Variants in SLC39A14 observed in about 807,000 individuals in gnomAD.
SLC39A14 encodes metal cation symporter ZIP14.
In SLC39A14, 19 loss-of-function variants were observed where a neutral mutation model predicts 45.5. The ratio of observed to expected loss-of-function variants is 0.42; its 90% CI spans 0.29 to 0.61. SLC39A14 has a LOEUF of 0.61. Ranked by LOEUF, SLC39A14 falls within the 20% of genes least tolerant of loss-of-function variation. SLC39A14 has a pLI of 0.22. For missense variants in SLC39A14, 447 were observed against 616.5 expected, an observed-to-expected ratio of 0.73 and a Z score of 2.91; for synonymous variants, 264 against 251.3, an observed-to-expected ratio of 1.05 and a Z score of -0.48.
At chr8:22,381,517 G>T (rs150692870) in intron 1 of SLC39A14, among the ~76,000 whole-genome samples, 4 of 152,040 alleles carry the variant, frequency 2.6e-5, no homozygotes, top group Non-Finnish European at 4.4e-5. Flanking sequence ...TGATCCGCCC[G>T]CCTCGGCCTC....
intron 4 of SLC39A14, among the ~76,000 whole-genome samples, chr8:22,412,628 G>A (rs1286902559): frequency 6.6e-6 from 1 of 152,110 alleles, no homozygotes; most frequent in Non-Finnish European, 1.5e-5. Flanking sequence ...TCAGATTAAG[G>A]CTTTGGGTGC....
At chr8:22,389,092 T>C (rs1196628632) in intron 1 of SLC39A14, among the ~76,000 whole-genome samples, 1 of 152,102 alleles carries the variant, frequency 6.6e-6, no homozygotes, top group East Asian at 1.9e-4. Flanking sequence ...GGTTAAGAGA[T>C]CTGGAGATGG....
chr8:22,374,177 A>G (rs1471564863), intron 1 of SLC39A14, among the ~76,000 whole-genome samples: 1 of 152,218 alleles, frequency 6.6e-6, no homozygotes, highest in African/African-American at 2.4e-5. Flanking sequence ...CAATGGTGAC[A>G]GCAGGTGGTG....
At chr8:22,402,399 A>G (rs950420322) in intron 1 of SLC39A14, among the ~76,000 whole-genome samples, 3 of 151,734 alleles carry the variant, frequency 2.0e-5, no homozygotes, top group Non-Finnish European at 4.4e-5. Context: ...AGAAAAAAAA[A>G]GAAAGAGTCC....
intron 1 of SLC39A14, among the ~76,000 whole-genome samples, chr8:22,387,538 T>C (rs1385990371): frequency 6.6e-6 from 1 of 152,176 alleles, no homozygotes; most frequent in African/African-American, 2.4e-5. Flanking sequence ...CATAAGTGGT[T>C]ATGTTGTCAG....
chr8:22,380,358 G>C (rs941538959), intron 1 of SLC39A14, among the ~76,000 whole-genome samples: 1 of 152,172 alleles, frequency 6.6e-6, no homozygotes, highest in Admixed American at 6.6e-5. Flanking sequence ...GCAGAGTGTC[G>C]TACTTAGAAG....
intron 1 of SLC39A14, among the ~76,000 whole-genome samples, chr8:22,371,706 C>T (rs1456927130): frequency 4.0e-5 from 6 of 149,912 alleles, no homozygotes; most frequent in Admixed American, 2.7e-4. Flanking sequence ...GCTGGGATTA[C>T]AGGCATGAGC....
intron 1 of SLC39A14, among the ~76,000 whole-genome samples, chr8:22,376,479 G>T (rs1002381434): frequency 6.6e-6 from 1 of 151,256 alleles, no homozygotes. Flanking sequence ...CACTGCACTC[G>T]GCCATGTTGG....
chr8:22,406,791 C>T (rs1297987803), intron 2 of SLC39A14, among the ~76,000 whole-genome samples: 2 of 152,222 alleles, frequency 1.3e-5, no homozygotes, highest in African/African-American at 2.4e-5. Context: ...CGCCCCCGTG[C>T]CCCCGCGGGG....
intron 1 of SLC39A14, among the ~76,000 whole-genome samples, chr8:22,382,569 T>G (rs1833569964): frequency 6.6e-6 from 1 of 152,082 alleles, no homozygotes; most frequent in East Asian, 1.9e-4. Flanking sequence ...TCCTAGCTAC[T>G]TGTGAGGTAG....
At chr8:22,415,718 GT>G in intron 5 of SLC39A14, 50 bp from the exon 6 acceptor site, 1 of 1,565,338 alleles carries the variant, frequency 6.4e-7, no homozygotes, top group Non-Finnish European at 8.7e-7. Flanking sequence ...GCTCAATCAG[GT>G]TTGTGGTTTT....
At chr8:22,418,179 A>G (rs1265308680) in intron 8 of SLC39A14, among the ~76,000 whole-genome samples, 1 of 152,194 alleles carries the variant, frequency 6.6e-6, no homozygotes, top group Non-Finnish European at 1.5e-5. Context: ...CTGAGATTAC[A>G]GGCATGAACC....
chr8:22,399,583 AG>A (rs1181964330), intron 1 of SLC39A14, among the ~76,000 whole-genome samples: 1 of 152,238 alleles, frequency 6.6e-6, no homozygotes, highest in African/African-American at 2.4e-5. Flanking sequence ...GTCAGTGCCC[AG>A]TGCAGCACAC....
intron 2 of SLC39A14, among the ~76,000 whole-genome samples, chr8:22,407,829 G>A (rs534340100): frequency 1.3e-5 from 2 of 151,968 alleles, no homozygotes; most frequent in Admixed American, 6.6e-5. Flanking sequence ...CCCTGCCTCA[G>A]CCTCCTCAGT....
rs1835133252 is a variant in SLC39A14, at chr8:22,405,037, G to A, written c.270+57G>A. The stretch of plus-strand genomic sequence containing the variant: ...TCAGCCCCGTCTCTGGCCTCTCAGG[G>A]TTCCCTGTCTAGTTGGGCCCAGGGC... On this transcript the variant is annotated intron_variant, in intron 2 of 8. Transcript: ENST00000381237. 1.9e-6 allele frequency: 3 copies of A among 1,560,272 alleles called. 1 individual carries two copies. Among genetic ancestry groups the A allele is most frequent in the South Asian group, 2.4e-5 (2 of 83,632 alleles).
At chr8:22,376,334 A>ATTTTTTTTTTTTT (rs778041310) in intron 1 of SLC39A14, among the ~76,000 whole-genome samples, 3 of 122,426 alleles carry the variant, frequency 2.5e-5, no homozygotes, top group African/African-American at 3.1e-5. Flanking sequence ...ACCACACCTA[A>ATTTTTTTTTTTTT]TTTTTTTTTT....
chr8:22,394,380 A>AGTGGC, intron 1 of SLC39A14, among the ~76,000 whole-genome samples: 1 of 144,112 alleles, frequency 6.9e-6, no homozygotes. Context: ...GCTGGAGTGC[A>AGTGGC]GTGATCTCGG....
At chr8:22,409,198 T>C (rs1157978222) in intron 3 of SLC39A14, among the ~76,000 whole-genome samples, 1 of 152,022 alleles carries the variant, frequency 6.6e-6, no homozygotes, top group East Asian at 1.9e-4. Context: ...CCCCTCCCTA[T>C]CCCGGTATCC....
At chr8:22,378,053 G>T (rs773653821) in intron 1 of SLC39A14, among the ~76,000 whole-genome samples, 2 of 152,192 alleles carry the variant, frequency 1.3e-5, no homozygotes, top group Non-Finnish European at 2.9e-5. Flanking sequence ...TCTAAAGCCT[G>T]CCCGGTCCAA....
Sources: allele counts gnomAD v4.1 joint callset (sites outside exome capture counted in the v4.1 genomes callset), GRCh38; gene constraint gnomAD v4.1.1; transcripts MANE v1.5; gene names NCBI Gene and HGNC (gene_info 2026-07-23, HGNC 2026-07-21).